The following EXOC6B variants were observed in gnomAD, a reference collection of about 807,000 sequenced individuals.
The protein encoded by EXOC6B is SEC15 homolog B.
A neutral mutation model predicts 113.5 loss-of-function variants in EXOC6B; 54 were observed. The ratio of observed to expected loss-of-function variants is 0.48; its 90% confidence interval spans 0.38 to 0.60. The LOEUF is 0.60. Among genes scored for constraint, EXOC6B ranks in the 20% least tolerant of loss-of-function variants. EXOC6B has a pLI of 0.00. For synonymous variants in EXOC6B, 357 were observed against 339.0 expected (o/e 1.05, Z -0.58); for missense variants, 797 against 977.5 (o/e 0.82, Z 2.46).
chr2:72,799,671 A>G (rs1463255479), intron 1 of EXOC6B, among the ~76,000 whole-genome samples: 1 of 151,932 alleles, frequency 6.6e-6, no homozygotes, highest in African/African-American at 2.4e-5. Flanking sequence ...TAAAAAGAAT[A>G]AACTTTCCTT....
chr2:72,764,603 A>G (rs1682953647), intron 1 of EXOC6B, among the ~76,000 whole-genome samples: 1 of 151,906 alleles, frequency 6.6e-6, no homozygotes, highest in Admixed American at 6.6e-5. Flanking sequence ...TCCTGGGCTC[A>G]ACCAATCCTG....
chr2:72,460,606 A>T (rs1209775390), intron 18 of EXOC6B, among the ~76,000 whole-genome samples: 1 of 152,250 alleles, frequency 6.6e-6, no homozygotes, highest in Non-Finnish European at 1.5e-5. Flanking sequence ...CACATGAAAA[A>T]ATGCTCACCA....
chr2:72,352,316 T>C (rs1445051099), intron 19 of EXOC6B, among the ~76,000 whole-genome samples: 1 of 152,142 alleles, frequency 6.6e-6, no homozygotes, highest in Non-Finnish European at 1.5e-5. Context: ...TAGAGTCAAC[T>C]ACCAGCACAG....
intron 20 of EXOC6B, among the ~76,000 whole-genome samples, chr2:72,262,252 A>T (rs1051958015): frequency 6.6e-6 from 1 of 152,008 alleles, no homozygotes; most frequent in African/African-American, 2.4e-5. Flanking sequence ...AAAGGAAAAC[A>T]AGATGTATCT....
intron 20 of EXOC6B, among the ~76,000 whole-genome samples, chr2:72,249,160 G>A (rs1189431625): frequency 6.6e-6 from 1 of 152,206 alleles, no homozygotes; most frequent in African/African-American, 2.4e-5. Context: ...CAGCTACTCA[G>A]GAAGCTGAGG....
chr2:72,276,699 T>C lies in EXOC6B; in HGVS notation c.2196+58248A>G, dbSNP rs144556088. 5.5e-3 allele frequency among the ~76,000 whole-genome samples: 833 copies of C among 152,328 alleles called. 8 individuals carry two copies. Among genetic ancestry groups the C allele is most frequent in the African/African-American group, 0.019 (772 of 41,580 alleles). Reference sequence around the variant, plus strand: ...CTGATTTTTGTTTTAATTATTTTTTTCAAATGATATAAATGACTCAACTGC... The same window carrying C: ...CTGATTTTTGTTTTAATTATTTTTTCCAAATGATATAAATGACTCAACTGC... On this transcript the variant is annotated intron_variant, in intron 20 of 21. Transcript: ENST00000272427.
At chr2:72,683,806 G>T (rs1377163228) in intron 6 of EXOC6B, among the ~76,000 whole-genome samples, 1 of 152,128 alleles carries the variant, frequency 6.6e-6, no homozygotes, top group Non-Finnish European at 1.5e-5. Flanking sequence ...CTATCTCTCA[G>T]ATTGTTGCTC....
intron 18 of EXOC6B, among the ~76,000 whole-genome samples, chr2:72,405,772 T>G (rs1466872175): frequency 2.0e-5 from 3 of 152,296 alleles, no homozygotes; most frequent in Middle Eastern, 3.4e-3. Flanking sequence ...AGACCATCGA[T>G]GCTAGGAAGA....
At chr2:72,671,795 G>C (rs1254632324) in intron 6 of EXOC6B, among the ~76,000 whole-genome samples, 1 of 114,244 alleles carries the variant, frequency 8.8e-6, no homozygotes, top group Non-Finnish European at 1.9e-5. Flanking sequence ...AAGAAAGAAA[G>C]AAAGAAAGAA....
intron 6 of EXOC6B, among the ~76,000 whole-genome samples, chr2:72,671,777 AAGAAAG>A (rs1285263876): frequency 8.5e-6 from 1 of 118,008 alleles, no homozygotes; most frequent in African/African-American, 4.0e-5. Flanking sequence ...GAAAGAAAGA[AAGAAAG>A]AAAGAAAGAA....
chr2:72,593,603 A>C (rs1450626517), intron 6 of EXOC6B, among the ~76,000 whole-genome samples: 2 of 151,806 alleles, frequency 1.3e-5, no homozygotes, highest in Non-Finnish European at 2.9e-5. Context: ...ACCAAGCTCA[A>C]AGGAGATAAG....
chr2:72,245,980 T>C (rs922809314), intron 20 of EXOC6B, among the ~76,000 whole-genome samples: 1 of 152,242 alleles, frequency 6.6e-6, no homozygotes. Context: ...TAATTGTTTT[T>C]TGGATAAAAT....
chr2:72,402,753 C>A (rs1302506490), intron 18 of EXOC6B, among the ~76,000 whole-genome samples: 1 of 152,166 alleles, frequency 6.6e-6, no homozygotes, highest in Non-Finnish European at 1.5e-5. Context: ...AAGGCAGTAA[C>A]TCTGGAACTC....
At chr2:72,288,072 T>C (rs767319953) in intron 20 of EXOC6B, among the ~76,000 whole-genome samples, 9 of 152,158 alleles carry the variant, frequency 5.9e-5, no homozygotes, top group Non-Finnish European at 1.3e-4. Flanking sequence ...CCAATTAACA[T>C]ATGAAAGGTT....
At chr2:72,419,578 T>A (rs1280343362) in intron 18 of EXOC6B, among the ~76,000 whole-genome samples, 1 of 152,170 alleles carries the variant, frequency 6.6e-6, no homozygotes, top group Non-Finnish European at 1.5e-5. Flanking sequence ...AGATATAGAA[T>A]TCTTGGTTCA....
At chr2:72,547,335 A>G (rs1325771062) in intron 8 of EXOC6B, among the ~76,000 whole-genome samples, 1 of 152,224 alleles carries the variant, frequency 6.6e-6, no homozygotes, top group Non-Finnish European at 1.5e-5. Flanking sequence ...CTATCGCTGG[A>G]CCCAAGATGT....
intron 6 of EXOC6B, among the ~76,000 whole-genome samples, chr2:72,615,724 T>G (rs1671347017): frequency 6.6e-6 from 1 of 152,186 alleles, no homozygotes; most frequent in Non-Finnish European, 1.5e-5. Context: ...ACTATACTTT[T>G]TATCATTATT....
intron 6 of EXOC6B, among the ~76,000 whole-genome samples, chr2:72,700,929 C>T (rs376488397): frequency 1.2e-3 from 180 of 149,408 alleles, no homozygotes; most frequent in Non-Finnish European, 2.2e-3. Flanking sequence ...CCAGCCTGGG[C>T]GACTCTGTCT....
chr2:72,626,464 T>C (rs1327110228), intron 6 of EXOC6B, among the ~76,000 whole-genome samples: 1 of 152,210 alleles, frequency 6.6e-6, no homozygotes, highest in Non-Finnish European at 1.5e-5. Context: ...TCAGACAAGA[T>C]GATTTTGGAG....
Sources: gnomAD v4.1 joint callset for allele counts (sites outside exome capture counted in the v4.1 genomes callset) on GRCh38, gnomAD v4.1.1 for gene constraint, MANE v1.5 for transcripts, NCBI Gene and HGNC (gene_info 2026-07-23, HGNC 2026-07-21) for gene names.